PTPN14: variants seen among roughly 807,000 people sequenced by gnomAD.
PTPN14 encodes the protein protein tyrosine phosphatase non-receptor type 14.
A neutral mutation model predicts 126.8 loss-of-function variants in PTPN14; 53 were observed. The ratio of observed to expected loss-of-function variants is 0.42; its 90% CI spans 0.34 to 0.53. The LOEUF (loss-of-function observed/expected upper bound fraction) is 0.53. PTPN14 is among the 20% of genes least tolerant of loss of function. The pLI, the probability that PTPN14 is intolerant of heterozygous loss-of-function variation, is 0.08. For synonymous variants in PTPN14, 630 were observed against 599.3 expected (o/e 1.05, Z -0.75); for missense variants, 1,257 against 1,552.9 (o/e 0.81, Z 3.20).
intron 1 of PTPN14, among the ~76,000 whole-genome samples, chr1:214,511,498 A>T (rs1313358464): frequency 6.6e-6 from 1 of 152,028 alleles, no homozygotes; most frequent in Non-Finnish European, 1.5e-5. Context: ...AAAAAAAAAA[A>T]ATAGAAAGAA....
chr1:214,386,844 C>T lies in PTPN14; in HGVS notation c.1066G>A (p.Asp356Asn). Residue 356 changes from aspartate (D) to asparagine (N), a missense_variant and splice_region_variant, in exon 12 of 19, where the codon GAC becomes AAC. Asp to Asn is a conservative substitution (Grantham distance 23). This residue lies in a region of PTPN14 where 1,021 missense variants were observed against 1,183.3 expected (regional missense o/e 0.86). Coordinates refer to ENST00000366956, the MANE Select transcript of PTPN14 (RefSeq NM_005401.5). ...EHYSETHTSQ[D>N]SIFHGNEEAL... Reference sequence around the variant, plus strand: ...AGGGAGAACGGCAAGCCAGAGTTACCTTGCGAGGTGTGCGTTTCCGAGTAG... The same window carrying T: ...AGGGAGAACGGCAAGCCAGAGTTACTTTGCGAGGTGTGCGTTTCCGAGTAG... 1.3e-6 allele frequency: 2 copies of T among 1,591,616 alleles called. No homozygotes were observed. The highest frequency in any genetic ancestry group is 1.7e-6 in the Non-Finnish European group (2 of 1,160,134).
chr1:214,485,850 C>T (rs1324388215), intron 1 of PTPN14, among the ~76,000 whole-genome samples: 4 of 152,090 alleles, frequency 2.6e-5, no homozygotes, highest in East Asian at 3.9e-4. Flanking sequence ...CTCAGCCTCC[C>T]GAGTAGCTGG....
At chr1:214,437,872 T>C (rs148025190) in intron 3 of PTPN14, among the ~76,000 whole-genome samples, 3 of 152,354 alleles carry the variant, frequency 2.0e-5, no homozygotes, top group African/African-American at 7.2e-5. Flanking sequence ...TACAGTTGTC[T>C]TCCATTTAAC....
At chr1:214,397,848 G>T in intron 8 of PTPN14, 65 bp downstream of exon 8, 2 of 1,342,868 alleles carry the variant, frequency 1.5e-6, no homozygotes, top group Non-Finnish European at 2.1e-6. Context: ...GGATGTTAAT[G>T]TAACATTAAC....
chr1:214,481,211 C>T (rs1660977135), intron 1 of PTPN14, among the ~76,000 whole-genome samples: 1 of 152,070 alleles, frequency 6.6e-6, no homozygotes, highest in African/African-American at 2.4e-5. Flanking sequence ...AAATGCAGCA[C>T]AAGAATAAAA....
At chr1:214,534,063 G>A (rs1214434091) in intron 1 of PTPN14, among the ~76,000 whole-genome samples, 1 of 151,940 alleles carries the variant, frequency 6.6e-6, no homozygotes, top group East Asian at 1.9e-4. Context: ...ACCATCATTC[G>A]TAATTACAAA....
intron 1 of PTPN14, among the ~76,000 whole-genome samples, chr1:214,536,162 G>T (rs112849871): frequency 6.6e-6 from 1 of 150,696 alleles, no homozygotes; most frequent in African/African-American, 2.4e-5. Flanking sequence ...GGCCAAGGCC[G>T]GGGTGGGGTG....
intron 1 of PTPN14, among the ~76,000 whole-genome samples, chr1:214,545,542 G>A (rs1298602667): frequency 6.6e-6 from 1 of 152,124 alleles, no homozygotes; most frequent in Non-Finnish European, 1.5e-5. Flanking sequence ...AGTTTTGGAG[G>A]GGACATTCAA....
rs577201507 is a variant in PTPN14 at position 214,355,262 on chromosome 1, G to A, written c.*2660C>T. ...AATTTCAGGGAAGCCCATGAGCTCT[G>A]ACGACCTCAAAGACGCACCAGATCT... On this transcript the variant is annotated 3_prime_UTR_variant, in exon 19 of 19. Coordinates refer to ENST00000366956, the MANE Select transcript of PTPN14 (RefSeq NM_005401.5). The A allele has an allele frequency of 1.3e-5, 2 of 152,264 alleles. No individual in the cohort carries two copies. Among genetic ancestry groups the A allele is most frequent in the South Asian group, 4.1e-4 (2 of 4,820 alleles). 9.4% of individuals were successfully genotyped at this position (152,264 alleles called of 1,614,324 possible). A position where few individuals can be genotyped will look rare whatever the true frequency, so the allele number is the denominator to read the frequency against.
At chr1:214,395,343 ATAT>A (rs1408307798) in intron 8 of PTPN14, among the ~76,000 whole-genome samples, 1 of 152,144 alleles carries the variant, frequency 6.6e-6, no homozygotes, top group Non-Finnish European at 1.5e-5. Context: ...GGAGGAGCAC[ATAT>A]TATTAAAAAT....
intron 1 of PTPN14, among the ~76,000 whole-genome samples, chr1:214,490,865 G>GAGGGA (rs1661218379): frequency 5.6e-5 from 1 of 17,804 alleles, no homozygotes; most frequent in Non-Finnish European, 1.2e-4. Flanking sequence ...GAAGGGAGGG[G>GAGGGA]AGGGGAGGGG....
At chr1:214,506,522 A>AAAATAAATAAATAAATAAATAAATAAAT (rs374058238) in intron 1 of PTPN14, among the ~76,000 whole-genome samples, 2,318 of 150,762 alleles carry the variant, frequency 0.015, 58 homozygotes, top group African/African-American at 0.055. Context: ...CTAAAAGAAG[A>AAAATAAATAAATAAATAAATAAATAAAT]AAATAAATAA....
At chr1:214,542,948 G>C (rs558408920) in intron 1 of PTPN14, among the ~76,000 whole-genome samples, 1 of 152,192 alleles carries the variant, frequency 6.6e-6, no homozygotes, top group African/African-American at 2.4e-5. Flanking sequence ...TAAAATAACG[G>C]TGAGAGCCAA....
chr1:214,408,405 T>C (rs957441978), intron 5 of PTPN14, among the ~76,000 whole-genome samples: 1 of 152,316 alleles, frequency 6.6e-6, no homozygotes, highest in African/African-American at 2.4e-5. Flanking sequence ...TCTTCTCTTT[T>C]ACTCTGAAGC....
At chr1:214,445,507 A>G (rs532599925) in intron 3 of PTPN14, among the ~76,000 whole-genome samples, 1 of 152,050 alleles carries the variant, frequency 6.6e-6, no homozygotes, top group South Asian at 2.1e-4. Context: ...CTGTGCAACC[A>G]TAACATTCAA....
At chr1:214,497,128 C>A (rs772090839) in intron 1 of PTPN14, among the ~76,000 whole-genome samples, 2 of 149,570 alleles carry the variant, frequency 1.3e-5, no homozygotes, top group Non-Finnish European at 3.0e-5. Flanking sequence ...GGTGGGGGGT[C>A]GGGGGGAAGA....
At chr1:214,378,878 G>A (rs1658407759) in intron 13 of PTPN14, among the ~76,000 whole-genome samples, 1 of 152,014 alleles carries the variant, frequency 6.6e-6, no homozygotes, top group South Asian at 2.1e-4. Flanking sequence ...CTCCGGAACT[G>A]AGCAGACCAC....
At chr1:214,546,872 A>G (rs1279443073) in intron 1 of PTPN14, among the ~76,000 whole-genome samples, 1 of 152,216 alleles carries the variant, frequency 6.6e-6, no homozygotes, top group Non-Finnish European at 1.5e-5. Context: ...AAGAATGGCT[A>G]TGAAATGTTT....
chr1:214,532,106 T>C (rs1655564017), intron 1 of PTPN14: 1 of 193,168 alleles, frequency 5.2e-6, no homozygotes, highest in African/African-American at 2.4e-5. Context: ...CTTATTTTAA[T>C]GTCAGAATAA....
Sources: allele counts gnomAD v4.1 joint callset (sites outside exome capture counted in the v4.1 genomes callset), GRCh38; gene constraint gnomAD v4.1.1; regional missense constraint gnomAD v4.1.1; transcripts MANE v1.5; gene names NCBI Gene and HGNC (gene_info 2026-07-23, HGNC 2026-07-21).